The following ACOX3 variants were observed in gnomAD, a reference collection of about 807,000 sequenced individuals.
ACOX3 encodes acyl-CoA oxidase 3, pristanoyl, also known as peroxisomal acyl-coenzyme A oxidase 3.
A neutral mutation model predicts 81.5 loss-of-function variants in ACOX3; 73 were observed. The observed-to-expected ratio is 0.90, with a 90% CI of 0.74 to 1.09. The LOEUF (loss-of-function observed/expected upper bound fraction) is 1.09. Among genes scored for constraint, ACOX3 ranks in the 50% least tolerant of loss-of-function variants. ACOX3 has a pLI of 0.00. For missense variants in ACOX3, 947 were observed against 928.0 expected (o/e 1.02, Z -0.27); for synonymous variants, 387 against 375.1 (o/e 1.03, Z -0.37).
Position 8,392,442 on chromosome 4 carries a change from T to G in ACOX3, c.1191A>C (p.Gly397=). 1 of 1,591,834 alleles carries G rather than the reference T, an allele frequency of 6.3e-7. No individual in the cohort carries two copies. The highest frequency in any genetic ancestry group is 8.5e-7 in the Non-Finnish European group (1 of 1,171,474). Residue 397 remains glycine, a synonymous_variant, in exon 11 of 18, where the codon GGA becomes GGC. Coordinates refer to ENST00000356406, the MANE Select transcript of ACOX3 (RefSeq NM_003501.3). ...GDRSARQAEL[G]REIHALASAS... is the part of the protein sequence containing the mutation. ...CCGATGCCAGGGCGTGGATCTCACG[T>G]CCAAGCTCTGCCTTTGGGTGAGGGA...
intron 1 of ACOX3, among the ~76,000 whole-genome samples, chr4:8,426,899 C>G (rs1723545423): frequency 6.6e-6 from 1 of 152,158 alleles, no homozygotes; most frequent in African/African-American, 2.4e-5. Flanking sequence ...ATCGAAGGCA[C>G]CACTCCCGAG....
At chr4:8,412,274 A>C (rs781183312) in intron 5 of ACOX3, among the ~76,000 whole-genome samples, 6 of 152,260 alleles carry the variant, frequency 3.9e-5, no homozygotes, top group Non-Finnish European at 8.8e-5. Context: ...AAGGCCCCAC[A>C]GCAGGGGCAC....
chr4:8,375,280 A>G (rs1264665240), intron 14 of ACOX3, 128 bp from the exon 15 acceptor site: 2 of 919,040 alleles, frequency 2.2e-6, no homozygotes, highest in Non-Finnish European at 3.2e-6. Context: ...ACAGTAACAT[A>G]AGGTGAGGCA....
At chr4:8,393,810 G>C (rs1276160148) in intron 10 of ACOX3, among the ~76,000 whole-genome samples, 1 of 152,146 alleles carries the variant, frequency 6.6e-6, no homozygotes, top group Non-Finnish European at 1.5e-5. Flanking sequence ...GGAGAACAAT[G>C]CAAGTGTCAG....
intron 17 of ACOX3, among the ~76,000 whole-genome samples, chr4:8,367,811 A>T (rs1715653145): frequency 7.9e-6 from 1 of 126,018 alleles, no homozygotes; most frequent in African/African-American, 4.1e-5. Flanking sequence ...CTTTACAAAA[A>T]AAAAAAAAAA....
chr4:8,355,357 G>A, the ACOX3 span: 1 of 152,218 alleles, frequency 6.6e-6, no homozygotes, highest in African/African-American at 2.4e-5. Context: ...GATATTAAAA[G>A]TATGAGAACC....
At chr4:8,364,843 C>T (rs575058748), downstream of ACOX3, among the ~76,000 whole-genome samples, 13 of 152,294 alleles carry the variant, frequency 8.5e-5, no homozygotes, top group Admixed American at 2.0e-4. This position sits in a 1 kb window ranked among gnomAD's most constrained non-coding sequence, Gnocchi z 5.0. Flanking sequence ...AAAACCCCTC[C>T]GGAGATGCCC....
At chr4:8,365,918 C>T (rs1560160495), downstream of ACOX3, among the ~76,000 whole-genome samples, 2 of 152,178 alleles carry the variant, frequency 1.3e-5, no homozygotes, top group African/African-American at 4.8e-5. Flanking sequence ...GGTTCGGCAC[C>T]GTCCTGAGAC....
Position 8,381,385 on chromosome 4 carries a change from C to T in ACOX3, c.1653+107G>A, listed in dbSNP as rs1028535713. ...TCATCTGCCCAAGGTCACGGGAGCTCGGGGTCTGGGGCCTGAATTGCCAGG... is the reference window on the plus strand; with the variant it reads ...TCATCTGCCCAAGGTCACGGGAGCTTGGGGTCTGGGGCCTGAATTGCCAGG... On this transcript the variant is annotated intron_variant, in intron 14 of 17. Coordinates refer to ENST00000356406, the MANE Select transcript of ACOX3 (RefSeq NM_003501.3). This position sits in a 1 kb window ranked among gnomAD's most constrained non-coding sequence, Gnocchi z 4.3. 6.2e-6 allele frequency: 6 copies of T among 970,022 alleles called. No homozygotes were observed. Among genetic ancestry groups the T allele is most frequent in the Middle Eastern group, 3.0e-4 (1 of 3,304 alleles). The allele number at this position is 970,022 out of a possible 1,614,324, so 60.1% of individuals were successfully genotyped here. A position where few individuals can be genotyped will look rare whatever the true frequency, so the allele number is the denominator to read the frequency against.
chr4:8,403,187 A>G (rs571218529), intron 7 of ACOX3, among the ~76,000 whole-genome samples: 21 of 152,372 alleles, frequency 1.4e-4, no homozygotes, highest in African/African-American at 4.3e-4. Context: ...TTGTAAAGTG[A>G]CAAAATCTAA....
intron 8 of ACOX3, 68 bp from the exon 9 acceptor site, chr4:8,397,187 A>G (rs1719808462): frequency 2.1e-6 from 3 of 1,419,092 alleles, no homozygotes; most frequent in Non-Finnish European, 2.8e-6. Context: ...AGTGGCTCAG[A>G]GGCGAAGGTG....
chr4:8,359,267 T>C, the ACOX3 span, among the ~76,000 whole-genome samples: 1 of 152,122 alleles, frequency 6.6e-6, no homozygotes, highest in South Asian at 2.1e-4. This position sits in a 1 kb window ranked among gnomAD's most constrained non-coding sequence, Gnocchi z 6.0. Context: ...CGACTTTGAA[T>C]AAGTGGTGGG....
intron 10 of ACOX3, 118 bp from the exon 11 acceptor site, chr4:8,392,571 G>T: frequency 8.7e-7 from 1 of 1,151,292 alleles, no homozygotes; most frequent in Non-Finnish European, 1.2e-6. Flanking sequence ...AAGACATCCC[G>T]AAAATGACAG....
chr4:8,423,935 T>C lies in ACOX3; in HGVS notation c.-14-7400A>G, dbSNP rs1345964163. Among the ~76,000 whole-genome samples, 2 of 152,218 alleles carry C rather than the reference T, an allele frequency of 1.3e-5. No homozygotes were observed. The highest frequency in any genetic ancestry group is 1.3e-4 in the Admixed American group (2 of 15,280). On this transcript the variant is annotated intron_variant, in intron 1 of 17. Transcript: ENST00000356406. This position sits in a 1 kb window ranked among gnomAD's most constrained non-coding sequence, Gnocchi z 4.2. ...CTTGTCCTTCGGTATGCGGATGATT[T>C]ACTTTTAGCCACCCATTCAGAAACC...
rs574166905 is a variant in ACOX3 at position 8,396,179 on chromosome 4, G to C, written c.1056+758C>G. Among the ~76,000 whole-genome samples, 35 of 152,284 alleles carry C rather than the reference G, an allele frequency of 2.3e-4. 1 individual carries two copies. Among genetic ancestry groups the C allele is most frequent in the Admixed American group, 2.2e-3 (33 of 15,314 alleles). On this transcript the variant is annotated intron_variant, in intron 9 of 17. Transcript: ENST00000356406. ...GCCAACGCTCTGTGCCCACGCCACTGTTCTAAATGCCATCACAGTGAACAG... is the reference window on the plus strand; with the variant it reads ...GCCAACGCTCTGTGCCCACGCCACTCTTCTAAATGCCATCACAGTGAACAG...
downstream of ACOX3, among the ~76,000 whole-genome samples, chr4:8,364,156 C>T (rs1715291035): frequency 6.6e-6 from 1 of 152,162 alleles, no homozygotes; most frequent in Non-Finnish European, 1.5e-5. This position sits in a 1 kb window ranked among gnomAD's most constrained non-coding sequence, Gnocchi z 5.0. Flanking sequence ...TCAGACCTTT[C>T]TGGGCTGAAC....
chr4:8,371,619 T>C (rs889814793), intron 16 of ACOX3, among the ~76,000 whole-genome samples: 22 of 152,246 alleles, frequency 1.4e-4, no homozygotes, highest in Non-Finnish European at 3.2e-4. Context: ...GCTAATGATA[T>C]GGATCAAAGG....
At chr4:8,387,420 C>T (rs760328287) in intron 13 of ACOX3, among the ~76,000 whole-genome samples, 4 of 152,190 alleles carry the variant, frequency 2.6e-5, no homozygotes, top group Admixed American at 2.0e-4. Flanking sequence ...TCGGGTGTCA[C>T]GGGAGCAGTC....
At chr4:8,357,893 CT>C in the ACOX3 span, 1 of 156,472 alleles carries the variant, frequency 6.4e-6, no homozygotes, top group Non-Finnish European at 1.4e-5. Flanking sequence ...AGTGCATCCC[CT>C]TGCAGCCACC....
Sources: gnomAD v4.1 joint callset for allele counts (sites outside exome capture counted in the v4.1 genomes callset) on GRCh38, gnomAD v4.1.1 for gene constraint, Gnocchi (gnomAD v3.1) non-coding constraint, MANE v1.5 for transcripts, NCBI Gene and HGNC (gene_info 2026-07-23, HGNC 2026-07-21) for gene names.